SIK3: variants seen among roughly 807,000 people sequenced by gnomAD.
The protein encoded by SIK3 is SIK family kinase 3.
In SIK3, 28 loss-of-function variants were observed where a neutral mutation model predicts 144.2. That is an observed-to-expected ratio of 0.19 (90% CI 0.14 to 0.27). SIK3 has a LOEUF of 0.27. SIK3 is among the 10% of genes least tolerant of loss of function. The pLI is 1.00. For missense variants in SIK3, 1,319 were observed against 1,776.0 expected, an observed-to-expected ratio of 0.74 and a Z score of 4.62; for synonymous variants, 686 against 676.3, an observed-to-expected ratio of 1.01 and a Z score of -0.22.
chr11:116,967,017 A>AAG (rs1555113668), intron 1 of SIK3, among the ~76,000 whole-genome samples: 7 of 147,398 alleles, frequency 4.7e-5, no homozygotes, highest in Non-Finnish European at 8.9e-5. Flanking sequence ...AAAAAAAAGA[A>AAG]AAAGAAAAAG....
At chr11:116,878,759 A>G (rs1437217771) in intron 6 of SIK3, among the ~76,000 whole-genome samples, 3 of 152,034 alleles carry the variant, frequency 2.0e-5, no homozygotes, top group African/African-American at 7.3e-5. Context: ...ACTCTCATCC[A>G]ATGGCCTTTA....
intron 21 of SIK3, chr11:116,857,572 A>G (rs1176928756): frequency 1.7e-6 from 1 of 584,966 alleles, no homozygotes; most frequent in Non-Finnish European, 2.8e-6. Flanking sequence ...AATAAGGGAA[A>G]TGGATCATCT....
At chr11:117,010,974 G>A (rs1199460035) in intron 1 of SIK3, among the ~76,000 whole-genome samples, 1 of 152,074 alleles carries the variant, frequency 6.6e-6, no homozygotes, top group Non-Finnish European at 1.5e-5. Flanking sequence ...ACAAAAATCA[G>A]CTGGGTGTGA....
In SIK3 at chr11:117,023,620, AAATAT is replaced by A. The variant is rs1366281250; in HGVS notation, c.274-66561_274-66557del. ...AACAAACAAACAAACAAAAAAAAAA[AAATAT>A]ATATATATATATATATATATTGCAC... On this transcript the variant is annotated intron_variant, in intron 1 of 24. Transcript: ENST00000445177. Among the ~76,000 whole-genome samples, 511 of 99,272 alleles carry A rather than the reference AAATAT, an allele frequency of 5.1e-3. 2 individuals are homozygous for A. The highest frequency in any genetic ancestry group is 9.6e-3 in the South Asian group (32 of 3,330). The allele number at this position is 99,272 out of a possible 152,430, so 65.1% of individuals were successfully genotyped here. A position where few individuals can be genotyped will look rare whatever the true frequency, so the allele number is the denominator to read the frequency against.
At chr11:116,873,025 G>A (rs1944046417) in intron 13 of SIK3, among the ~76,000 whole-genome samples, 1 of 152,244 alleles carries the variant, frequency 6.6e-6, no homozygotes, top group African/African-American at 2.4e-5. Context: ...AAGTGATCCA[G>A]GTTATGCCAA....
At chr11:116,967,003 C>CAAAAAAAA (rs780692335) in intron 1 of SIK3, among the ~76,000 whole-genome samples, 1,374 of 99,400 alleles carry the variant, frequency 0.014, 62 homozygotes, top group African/African-American at 0.064. Context: ...GACTCTGTTT[C>CAAAAAAAA]AAAAAAAAAA....
intron 6 of SIK3, among the ~76,000 whole-genome samples, chr11:116,887,764 TA>T (rs1356270668): frequency 1.3e-5 from 2 of 152,212 alleles, no homozygotes; most frequent in Non-Finnish European, 2.9e-5. Flanking sequence ...ACAGCTCTGA[TA>T]ATCAAGAGGC....
At position 116,846,274 on chromosome 11, in the gene SIK3, A is replaced by ACTGT. The variant is rs1941941860; in HGVS notation, c.*13+105_*13+108dup. 3 of 1,107,892 alleles carry ACTGT rather than the reference A, an allele frequency of 2.7e-6. No homozygotes were observed. Among genetic ancestry groups the ACTGT allele is most frequent in the Non-Finnish European group, 3.9e-6 (3 of 763,432 alleles). 68.6% of individuals were successfully genotyped at this position (1,107,892 alleles called of 1,614,324 possible). A position where few individuals can be genotyped will look rare whatever the true frequency, so the allele number is the denominator to read the frequency against. ...TGAAGGCCACGAGGGGAGGCGTGGT[A>ACTGT]CTGTCGACTGCACTGGCCACCACAA... On this transcript the variant is annotated intron_variant, in intron 24 of 24. Coordinates refer to ENST00000445177, the MANE Select transcript of SIK3 (RefSeq NM_001366686.3). The surrounding 1 kb of genome is among the most constrained non-coding windows in gnomAD (Gnocchi z 4.1).
intron 1 of SIK3, among the ~76,000 whole-genome samples, chr11:117,019,948 G>C (rs1472310579): frequency 6.6e-6 from 1 of 151,862 alleles, no homozygotes; most frequent in Admixed American, 6.6e-5. Flanking sequence ...ACAGTTTATT[G>C]ATACTATTGA....
At chr11:116,942,065 C>T (rs1351647713) in intron 3 of SIK3, among the ~76,000 whole-genome samples, 2 of 152,104 alleles carry the variant, frequency 1.3e-5, no homozygotes, top group African/African-American at 4.8e-5. Flanking sequence ...TATTACACTG[C>T]TTAGAATTCA....
At chr11:116,878,638 C>T (rs1944388373) in intron 6 of SIK3, among the ~76,000 whole-genome samples, 1 of 152,182 alleles carries the variant, frequency 6.6e-6, no homozygotes, top group African/African-American at 2.4e-5. Context: ...CCTCAGCCTC[C>T]CAAAGTGCTG....
At chr11:116,971,492 A>G (rs530389606) in intron 1 of SIK3, among the ~76,000 whole-genome samples, 4 of 152,354 alleles carry the variant, frequency 2.6e-5, no homozygotes, top group South Asian at 4.1e-4. Context: ...AAACATAAGC[A>G]TAGTAAGAAT....
In SIK3 at chr11:116,846,695, G is replaced by A; in HGVS notation, c.3953-142C>T. ...AGCCCTGAATTCTAGCTCACAGCAG[G>A]CCCTCAAGGTGTTGAGTGACGATGG... On this transcript the variant is annotated intron_variant, in intron 23 of 24. Coordinates refer to ENST00000445177, the MANE Select transcript of SIK3 (RefSeq NM_001366686.3). This position sits in a 1 kb window ranked among gnomAD's most constrained non-coding sequence, Gnocchi z 4.1. 2 of 891,064 alleles carry A rather than the reference G, an allele frequency of 2.2e-6. No individual in the cohort carries two copies. Among genetic ancestry groups the A allele is most frequent in the South Asian group, 1.7e-5 (1 of 59,510 alleles). 55.2% of individuals were successfully genotyped at this position (891,064 alleles called of 1,614,324 possible). A position where few individuals can be genotyped will look rare whatever the true frequency, so the allele number is the denominator to read the frequency against.
intron 1 of SIK3, among the ~76,000 whole-genome samples, chr11:117,023,414 ATTT>A (rs59626113): frequency 0.16 from 22,765 of 138,478 alleles, 1,894 homozygotes; most frequent in Admixed American, 0.21. Flanking sequence ...ACACCTGATG[ATTT>A]TTTTTTTTTT....
At chr11:116,948,276 AATC>A (rs1368349047) in intron 3 of SIK3, among the ~76,000 whole-genome samples, 2 of 151,022 alleles carry the variant, frequency 1.3e-5, no homozygotes, top group African/African-American at 2.4e-5. Context: ...ATTCCTTTAT[AATC>A]ATTTTTATTT....
At chr11:116,939,329 A>G (rs1948159409) in intron 3 of SIK3, among the ~76,000 whole-genome samples, 3 of 152,114 alleles carry the variant, frequency 2.0e-5, no homozygotes, top group Admixed American at 6.6e-5. Flanking sequence ...TGTATTTTCA[A>G]TAAAGACAAG....
intron 1 of SIK3, among the ~76,000 whole-genome samples, chr11:117,070,784 C>T (rs1954238914): frequency 7.6e-6 from 1 of 131,246 alleles, no homozygotes. Context: ...CGAAGTTTCA[C>T]TCGTGTTGCC....
intron 1 of SIK3, among the ~76,000 whole-genome samples, chr11:117,004,272 T>C (rs190374682): frequency 6.6e-6 from 1 of 152,172 alleles, no homozygotes; most frequent in Non-Finnish European, 1.5e-5. Flanking sequence ...CCCAGCATGT[T>C]GCGAGGCCGA....
At chr11:117,012,227 G>A (rs1234862073) in intron 1 of SIK3, among the ~76,000 whole-genome samples, 1 of 152,122 alleles carries the variant, frequency 6.6e-6, no homozygotes, top group African/African-American at 2.4e-5. Flanking sequence ...TCTCATCTCA[G>A]CCTTCCAAAG....
Sources: allele counts gnomAD v4.1 joint callset (sites outside exome capture counted in the v4.1 genomes callset), GRCh38; gene constraint gnomAD v4.1.1; non-coding constraint Gnocchi (gnomAD v3.1); transcripts MANE v1.5; gene names NCBI Gene and HGNC (gene_info 2026-07-23, HGNC 2026-07-21).